Variants in CFAP47 observed in about 807,000 individuals in gnomAD.
The protein encoded by CFAP47 is cilia and flagella associated protein 47, also known as cilia- and flagella-associated protein 47.
Under a neutral mutation model 148.1 loss-of-function variants are expected in CFAP47, and 29 were observed. The observed-to-expected ratio is 0.20, with a 90% CI of 0.15 to 0.27. CFAP47 has a LOEUF of 0.27. CFAP47 is among the 10% of genes least tolerant of loss of function. The probability of loss-of-function intolerance (pLI) is 1.00; values close to 1 mark genes in which losing one functional copy is unlikely to be tolerated. For missense variants in CFAP47, 1,872 were observed against 1,697.5 expected (o/e 1.10, Z -1.81); for synonymous variants, 664 against 577.3 (o/e 1.15, Z -2.15).
At chrX:36,117,327 C>A (rs1319874914) in intron 33 of CFAP47, among the ~76,000 whole-genome samples, 1 of 111,426 alleles carries the variant, frequency 9.0e-6, no homozygotes, top group East Asian at 2.8e-4. Context: ...AATGAACTTC[C>A]AAACTGTTCT....
Position 36,353,696 on chromosome X carries a change from G to A in CFAP47, c.8851+15G>A. 1 of 1,101,897 alleles carries A rather than the reference G, an allele frequency of 9.1e-7. No individual in the cohort carries two copies. Among genetic ancestry groups the A allele is most frequent in the South Asian group, 2.1e-5 (1 of 47,130 alleles). The allele number at this position is 1,101,897 out of a possible 1,213,427, so 90.8% of individuals were successfully genotyped here. On this transcript the variant is annotated intron_variant, in intron 60 of 63. Coordinates refer to ENST00000378653, the MANE Select transcript of CFAP47 (RefSeq NM_001304548.2). The stretch of plus-strand genomic sequence containing the variant: ...GGATCCCAATGGTAAGAGAACTACG[G>A]TTATAGAAAAAATAAAATGAAAAAA...
intron 51 of CFAP47, among the ~76,000 whole-genome samples, chrX:36,294,444 T>G (rs1240566581): frequency 2.7e-5 from 3 of 111,735 alleles, no homozygotes; most frequent in Non-Finnish European, 5.6e-5. Flanking sequence ...AATTAGACTC[T>G]TCTGGCACTG....
chrX:36,230,522 C>A (rs58505067), intron 46 of CFAP47, among the ~76,000 whole-genome samples: 16,185 of 92,372 alleles, frequency 0.18, 3,355 homozygotes, highest in African/African-American at 0.51. Flanking sequence ...CCTTTGTCAG[C>A]TGAGTAGGTT....
intron 21 of CFAP47, among the ~76,000 whole-genome samples, chrX:36,005,488 C>T (rs746857548): frequency 4.5e-5 from 5 of 111,500 alleles, no homozygotes; most frequent in Non-Finnish European, 5.7e-5. Context: ...GTGCATTTAC[C>T]TAGTTTATCT....
chrX:36,379,018 G>A (rs1246481775), intron 62 of CFAP47, among the ~76,000 whole-genome samples: 1 of 111,341 alleles, frequency 9.0e-6, no homozygotes, highest in Non-Finnish European at 1.9e-5. Context: ...CACCATGTTG[G>A]CCAGGCTGGT....
chrX:36,230,133 G>C (rs1940326222), intron 46 of CFAP47, among the ~76,000 whole-genome samples: 3 of 101,110 alleles, frequency 3.0e-5, no homozygotes, highest in Non-Finnish European at 6.0e-5. Flanking sequence ...CCCAGTAATG[G>C]GATGGCTGGG....
chrX:36,308,431 A>AT (rs1463332382), intron 55 of CFAP47, among the ~76,000 whole-genome samples: 1 of 111,184 alleles, frequency 9.0e-6, no homozygotes, highest in East Asian at 2.8e-4. Context: ...TTCTTGCCAT[A>AT]TTTATCATTG....
At chrX:36,276,740 A>G (rs1941022291) in intron 49 of CFAP47, among the ~76,000 whole-genome samples, 1 of 112,236 alleles carries the variant, frequency 8.9e-6, no homozygotes, top group Non-Finnish European at 1.9e-5. Context: ...ATACAAATAC[A>G]TATCTACACA....
chrX:36,204,652 A>T (rs1555988595), intron 44 of CFAP47, among the ~76,000 whole-genome samples: 2 of 111,612 alleles, frequency 1.8e-5, no homozygotes. Context: ...ACTAAAGGAG[A>T]AAAGCACTTT....
intron 3 of CFAP47, among the ~76,000 whole-genome samples, chrX:35,945,754 G>A (rs953930465): frequency 3.6e-5 from 4 of 110,368 alleles, no homozygotes; most frequent in African/African-American, 6.6e-5. Flanking sequence ...TTTTCCTGAC[G>A]TTACTTCCTT....
intron 62 of CFAP47, among the ~76,000 whole-genome samples, chrX:36,377,497 T>G (rs1942035225): frequency 8.9e-6 from 1 of 112,187 alleles, no homozygotes; most frequent in African/African-American, 3.2e-5. Context: ...TAAATTTGTT[T>G]AAGTTCTTTG....
At chrX:36,119,646 T>A in intron 33 of CFAP47, among the ~76,000 whole-genome samples, 1 of 111,814 alleles carries the variant, frequency 8.9e-6, no homozygotes, top group East Asian at 2.8e-4. Context: ...TATTAGTTCT[T>A]TAAGTGTTTG....
At chrX:36,272,387 A>C (rs4338270) in intron 49 of CFAP47, among the ~76,000 whole-genome samples, 26,069 of 110,566 alleles carry the variant, frequency 0.24, 2,563 homozygotes, top group African/African-American at 0.36. Flanking sequence ...ATAACATTTG[A>C]TTATTAAGAG....
At chrX:36,318,889 G>T (rs1398480650) in intron 56 of CFAP47, among the ~76,000 whole-genome samples, 1 of 111,264 alleles carries the variant, frequency 9.0e-6, no homozygotes, top group East Asian at 2.8e-4. Context: ...GCCCAGACTG[G>T]CCTTGAACTC....
intron 39 of CFAP47, among the ~76,000 whole-genome samples, chrX:36,172,575 G>T (rs1285618380): frequency 9.1e-6 from 1 of 110,319 alleles, no homozygotes; most frequent in Admixed American, 9.6e-5. Context: ...TTTTGTCTTT[G>T]GTTCTGTTTA....
At chrX:36,165,356 T>G (rs1394176216) in intron 39 of CFAP47, among the ~76,000 whole-genome samples, 2 of 111,562 alleles carry the variant, frequency 1.8e-5, no homozygotes, top group Non-Finnish European at 3.8e-5. Flanking sequence ...ATTTTAATTT[T>G]TAAAGGCTTT....
intron 49 of CFAP47, among the ~76,000 whole-genome samples, chrX:36,278,771 T>G (rs1337930750): frequency 2.7e-5 from 3 of 112,694 alleles, no homozygotes; most frequent in East Asian, 2.8e-4. Context: ...CATACAGTTA[T>G]TAGTAGTATG....
intron 26 of CFAP47, among the ~76,000 whole-genome samples, chrX:36,064,579 A>C (rs1377537351): frequency 9.0e-6 from 1 of 111,698 alleles, no homozygotes; most frequent in Non-Finnish European, 1.9e-5. Context: ...ACATTTTTTT[A>C]CTTTCATCCT....
chrX:36,048,907 G>C (rs1053064447), intron 26 of CFAP47, among the ~76,000 whole-genome samples: 1 of 111,270 alleles, frequency 9.0e-6, no homozygotes, highest in East Asian at 2.8e-4. Flanking sequence ...TTGGTGTTAC[G>C]GTTTGGTGAA....
Sources: allele counts gnomAD v4.1 joint callset (sites outside exome capture counted in the v4.1 genomes callset), GRCh38; gene constraint gnomAD v4.1.1; transcripts MANE v1.5; gene names NCBI Gene and HGNC (gene_info 2026-07-23, HGNC 2026-07-21).